SPIRE1: variants seen among roughly 807,000 people sequenced by gnomAD.
The protein encoded by SPIRE1 is spire type actin nucleation factor 1.
In SPIRE1, 40 loss-of-function variants were observed where a neutral mutation model predicts 94.1. That is an observed-to-expected ratio of 0.43 (90% CI 0.33 to 0.55). The LOEUF is 0.55. SPIRE1 is among the 20% of genes least tolerant of loss of function. SPIRE1 has a pLI of 0.06. For synonymous variants in SPIRE1, 376 were observed against 371.7 expected, an observed-to-expected ratio of 1.01 and a Z score of -0.13; for missense variants, 838 against 975.2, an observed-to-expected ratio of 0.86 and a Z score of 1.87.
chr18:12,452,737 G>T, intron 14 of SPIRE1: 1 of 609,626 alleles, frequency 1.6e-6, no homozygotes, highest in African/African-American at 1.8e-5. Flanking sequence ...CATGTGTTTG[G>T]AATTTTCTTA....
chr18:12,659,282 TAAC>T (rs1276328277), upstream of SPIRE1, among the ~76,000 whole-genome samples: 3 of 152,056 alleles, frequency 2.0e-5, no homozygotes, highest in South Asian at 2.1e-4. Flanking sequence ...TCTATTTAAA[TAAC>T]AACAGTCTAT....
chr18:12,517,746 T>C (rs2034237462), intron 4 of SPIRE1, among the ~76,000 whole-genome samples: 1 of 152,236 alleles, frequency 6.6e-6, no homozygotes, highest in African/African-American at 2.4e-5. Flanking sequence ...ATCAGAAGTA[T>C]GTCAAATGCT....
chr18:12,542,941 C>T (rs1272937065), intron 3 of SPIRE1, among the ~76,000 whole-genome samples: 3 of 152,142 alleles, frequency 2.0e-5, no homozygotes, highest in Non-Finnish European at 4.4e-5. Context: ...ATTCTCCTGC[C>T]TTAGCCTCAC....
At chr18:12,455,628 C>T (rs542564048) in intron 12 of SPIRE1, among the ~76,000 whole-genome samples, 31 of 152,338 alleles carry the variant, frequency 2.0e-4, no homozygotes, top group African/African-American at 7.2e-4. Flanking sequence ...CCATCCGCTC[C>T]CCATCCGGCC....
chr18:12,606,263 T>C (rs917657168), intron 2 of SPIRE1, among the ~76,000 whole-genome samples: 2 of 152,144 alleles, frequency 1.3e-5, no homozygotes, highest in African/African-American at 2.4e-5. Flanking sequence ...AGAGGTTTTG[T>C]CACTTTTGTT....
intron 11 of SPIRE1, among the ~76,000 whole-genome samples, chr18:12,463,782 C>T (rs962210336): frequency 6.6e-6 from 1 of 152,152 alleles, no homozygotes; most frequent in Non-Finnish European, 1.5e-5. Flanking sequence ...TTTTTACATT[C>T]TCCTTTTTAA....
chr18:12,661,082 C>A (rs1489466096), upstream of SPIRE1, among the ~76,000 whole-genome samples: 1 of 151,968 alleles, frequency 6.6e-6, no homozygotes, highest in African/African-American at 2.4e-5. Context: ...CCGAGGCGGG[C>A]AGATCACCTG....
At chr18:12,622,421 C>CTTTTT (rs71371281) in intron 2 of SPIRE1, among the ~76,000 whole-genome samples, 33,863 of 114,184 alleles carry the variant, frequency 0.3, 6,665 homozygotes, top group East Asian at 0.48. Context: ...TATGTCCAGT[C>CTTTTT]TTTTTTTTTT....
rs2035619400 is a variant in SPIRE1, at chr18:12,559,366, C to T, written c.373-12462G>A. On this transcript the variant is annotated intron_variant, in intron 2 of 16. Coordinates refer to ENST00000409402, the MANE Select transcript of SPIRE1 (RefSeq NM_001128626.2). The surrounding 1 kb of genome is among the most constrained non-coding windows in gnomAD (Gnocchi z 4.7). Reference sequence around the variant, plus strand: ...CTCTCATTGCCCGGGCCGGCGTCGCCAGCCGGCAGCTCTGAGTGCTGGCCG... The same window carrying T: ...CTCTCATTGCCCGGGCCGGCGTCGCTAGCCGGCAGCTCTGAGTGCTGGCCG... 6.6e-6 allele frequency among the ~76,000 whole-genome samples: 1 copy of T among 152,198 alleles called. No individual in the cohort carries two copies. Among genetic ancestry groups the T allele is most frequent in the African/African-American group, 2.4e-5 (1 of 41,454 alleles).
At chr18:12,466,451 A>AT (rs1421593129) in intron 10 of SPIRE1, among the ~76,000 whole-genome samples, 6 of 151,544 alleles carry the variant, frequency 4.0e-5, no homozygotes, top group Non-Finnish European at 2.9e-5. Flanking sequence ...TAATTTTTGT[A>AT]TTTTTTTGTG....
upstream of SPIRE1, chr18:12,658,210 G>A (rs1283297026): frequency 1.7e-6 from 1 of 585,400 alleles, no homozygotes. Flanking sequence ...CTGGAGGTGA[G>A]GACCAGGCAG....
At chr18:12,573,752 T>TC (rs397858650) in intron 2 of SPIRE1, among the ~76,000 whole-genome samples, 1 of 151,820 alleles carries the variant, frequency 6.6e-6, no homozygotes, top group Non-Finnish European at 1.5e-5. Context: ...CTTTTTTTTT[T>TC]CCTTTGAGAC....
chr18:12,542,303 T>C (rs2035037046), intron 3 of SPIRE1, among the ~76,000 whole-genome samples: 1 of 152,184 alleles, frequency 6.6e-6, no homozygotes, highest in South Asian at 2.1e-4. Flanking sequence ...CTTTTTTTGG[T>C]ACTAAGTGTT....
Position 12,559,819 on chromosome 18 carries a change from C to T in SPIRE1, c.373-12915G>A, listed in dbSNP as rs184925593. On this transcript the variant is annotated intron_variant, in intron 2 of 16. Transcript: ENST00000409402. This position sits in a 1 kb window ranked among gnomAD's most constrained non-coding sequence, Gnocchi z 4.7. Reference sequence around the variant, plus strand: ...CAAAATGAAGAAACAACCCAAAGAACGGGAGAAAATATGTGCAAACTGTCC... The same window carrying T: ...CAAAATGAAGAAACAACCCAAAGAATGGGAGAAAATATGTGCAAACTGTCC... Among the ~76,000 whole-genome samples the T allele has an allele frequency of 8.5e-5, 13 of 152,152 alleles. No individual in the cohort carries two copies. Among genetic ancestry groups the T allele is most frequent in the African/African-American group, 1.4e-4 (6 of 41,494 alleles).
At chr18:12,650,333 C>T (rs980049680) in intron 1 of SPIRE1, among the ~76,000 whole-genome samples, 22 of 152,166 alleles carry the variant, frequency 1.4e-4, no homozygotes, top group African/African-American at 5.3e-4. Flanking sequence ...CCAACGTGGG[C>T]AAATCACTTG....
At chr18:12,521,538 C>T (rs1435242519) in intron 4 of SPIRE1, among the ~76,000 whole-genome samples, 1 of 151,872 alleles carries the variant, frequency 6.6e-6, no homozygotes, top group Non-Finnish European at 1.5e-5. Context: ...TTCATCATGT[C>T]GGCTAGGCTG....
At chr18:12,556,878 T>C (rs185536433) in intron 2 of SPIRE1, among the ~76,000 whole-genome samples, 53 of 152,286 alleles carry the variant, frequency 3.5e-4, no homozygotes, top group Non-Finnish European at 6.0e-4. Context: ...TTGCCACTGC[T>C]GGCTTGGGCA....
chr18:12,566,727 G>A (rs541100375), intron 2 of SPIRE1, among the ~76,000 whole-genome samples: 3 of 152,146 alleles, frequency 2.0e-5, no homozygotes, highest in Admixed American at 6.5e-5. Flanking sequence ...AAAACAGAAA[G>A]CACCAGGACC....
intron 8 of SPIRE1, among the ~76,000 whole-genome samples, chr18:12,489,413 A>T (rs1334083595): frequency 2.0e-5 from 3 of 152,132 alleles, no homozygotes; most frequent in Non-Finnish European, 4.4e-5. Context: ...TTTCTCTAGC[A>T]CTTGAATATA....
Sources: gnomAD v4.1 joint callset for allele counts (sites outside exome capture counted in the v4.1 genomes callset) on GRCh38, gnomAD v4.1.1 for gene constraint, Gnocchi (gnomAD v3.1) non-coding constraint, MANE v1.5 for transcripts, NCBI Gene and HGNC (gene_info 2026-07-23, HGNC 2026-07-21) for gene names.